SERGEF: variants seen among roughly 807,000 people sequenced by gnomAD.
The protein encoded by SERGEF is secretion regulating guanine nucleotide exchange factor.
SERGEF carries 51 observed loss-of-function variants against 50.0 expected under a neutral mutation model. The ratio of observed to expected loss-of-function variants is 1.02; its 90% CI spans 0.81 to 1.29. The LOEUF is 1.29. SERGEF is among the 50% of genes most tolerant of loss of function. The probability of loss-of-function intolerance (pLI) is 0.00; values close to 1 mark genes in which losing one functional copy is unlikely to be tolerated. For missense variants in SERGEF, 521 were observed against 557.0 expected, an observed-to-expected ratio of 0.94 and a Z score of 0.65; for synonymous variants, 205 against 212.4, an observed-to-expected ratio of 0.97 and a Z score of 0.30.
intron 10 of SERGEF, among the ~76,000 whole-genome samples, chr11:17,834,814 C>G (rs1441696437): frequency 1.3e-5 from 2 of 152,098 alleles, no homozygotes; most frequent in African/African-American, 4.8e-5. Context: ...TCTTTGTGCC[C>G]ATAGGCTAAA....
At chr11:17,886,395 A>T (rs1034395872) in intron 9 of SERGEF, among the ~76,000 whole-genome samples, 7 of 152,156 alleles carry the variant, frequency 4.6e-5, no homozygotes, top group Non-Finnish European at 1.0e-4. Flanking sequence ...AGATAGCTTG[A>T]GCTCATGAGT....
At chr11:17,882,282 G>A (rs565387559) in intron 9 of SERGEF, among the ~76,000 whole-genome samples, 1 of 152,174 alleles carries the variant, frequency 6.6e-6, no homozygotes, top group South Asian at 2.1e-4. Flanking sequence ...GGTGGGGCGT[G>A]GTGGCGGGTG....
At chr11:17,895,104 G>A (rs1311432859) in intron 9 of SERGEF, among the ~76,000 whole-genome samples, 1 of 152,182 alleles carries the variant, frequency 6.6e-6, no homozygotes, top group African/African-American at 2.4e-5. Flanking sequence ...CAGCTGCACA[G>A]CAGAGCTTGG....
At chr11:17,935,629 C>G (rs181767155) in intron 9 of SERGEF, among the ~76,000 whole-genome samples, 1 of 152,026 alleles carries the variant, frequency 6.6e-6, no homozygotes, top group Admixed American at 6.6e-5. Context: ...TAATTAGGAA[C>G]GAGAATTGGA....
chr11:17,843,491 G>T (rs1216290122), intron 10 of SERGEF, among the ~76,000 whole-genome samples: 1 of 152,206 alleles, frequency 6.6e-6, no homozygotes, highest in African/African-American at 2.4e-5. Context: ...TGACTTAGGA[G>T]AAATCACTAC....
intron 10 of SERGEF, among the ~76,000 whole-genome samples, chr11:17,849,853 CTA>C (rs1850680095): frequency 6.6e-6 from 1 of 152,194 alleles, no homozygotes; most frequent in South Asian, 2.1e-4. Context: ...ACTCAAAAAT[CTA>C]TGTTTTTTTC....
chr11:18,004,108 A>G (rs1440872906), intron 4 of SERGEF, among the ~76,000 whole-genome samples: 1 of 152,224 alleles, frequency 6.6e-6, no homozygotes, highest in East Asian at 1.9e-4. Flanking sequence ...CTTTCGACAA[A>G]TCACTTCTAT....
At chr11:17,806,407 A>T (rs1397641065) in intron 10 of SERGEF, among the ~76,000 whole-genome samples, 1 of 152,098 alleles carries the variant, frequency 6.6e-6, no homozygotes, top group Non-Finnish European at 1.5e-5. Context: ...CTGTTATCTC[A>T]TTTCACACCC....
chr11:17,879,372 G>A (rs1440252766), intron 9 of SERGEF, among the ~76,000 whole-genome samples: 3 of 152,144 alleles, frequency 2.0e-5, no homozygotes, highest in African/African-American at 7.2e-5. Context: ...TTTAGCTCCT[G>A]GCAAGAGGAA....
At chr11:17,892,773 A>G (rs1276947506) in intron 9 of SERGEF, among the ~76,000 whole-genome samples, 1 of 152,190 alleles carries the variant, frequency 6.6e-6, no homozygotes, top group African/African-American at 2.4e-5. Context: ...ATTGCTGTGA[A>G]GGAGAACACA....
chr11:17,818,810 C>T (rs967781160), intron 10 of SERGEF, among the ~76,000 whole-genome samples: 4 of 152,238 alleles, frequency 2.6e-5, no homozygotes, highest in African/African-American at 9.6e-5. Flanking sequence ...GGTCCTGACC[C>T]TGCTCCTAGC....
chr11:17,893,525 T>C (rs1851571233), intron 9 of SERGEF, among the ~76,000 whole-genome samples: 1 of 152,212 alleles, frequency 6.6e-6, no homozygotes, highest in African/African-American at 2.4e-5. Context: ...CATCTTTATA[T>C]GGAATCTATA....
chr11:17,849,881 T>C (rs766417202), intron 10 of SERGEF, among the ~76,000 whole-genome samples: 1 of 152,230 alleles, frequency 6.6e-6, no homozygotes, highest in Non-Finnish European at 1.5e-5. Flanking sequence ...TACTATATTA[T>C]GTCTCAGCAA....
intron 10 of SERGEF, among the ~76,000 whole-genome samples, chr11:17,805,262 G>T (rs1008618353): frequency 6.6e-6 from 1 of 152,194 alleles, no homozygotes; most frequent in Non-Finnish European, 1.5e-5. Flanking sequence ...CTCTCACAGG[G>T]TCTCAGTTTC....
At chr11:17,998,821 T>C (rs1853900332) in intron 5 of SERGEF, among the ~76,000 whole-genome samples, 2 of 121,420 alleles carry the variant, frequency 1.6e-5, no homozygotes, top group South Asian at 2.7e-4. Flanking sequence ...GGTGGTCACC[T>C]ACAGGCCAGG....
At chr11:17,843,234 T>C (rs755123540) in intron 10 of SERGEF, among the ~76,000 whole-genome samples, 12 of 152,158 alleles carry the variant, frequency 7.9e-5, no homozygotes, top group Non-Finnish European at 1.2e-4. Flanking sequence ...ATGAACTATA[T>C]TGTCATCCTC....
At chr11:18,006,444 G>T in intron 3 of SERGEF, 147 bp downstream of exon 3, 1 of 798,622 alleles carries the variant, frequency 1.3e-6, no homozygotes. Context: ...CCAAAGTGCT[G>T]GAATTACAAT....
chr11:17,875,398 G>A (rs1851221545), intron 10 of SERGEF, among the ~76,000 whole-genome samples: 1 of 152,244 alleles, frequency 6.6e-6, no homozygotes, highest in Non-Finnish European at 1.5e-5. Context: ...CATCACCTGG[G>A]ATTAGTTTAA....
intron 10 of SERGEF, among the ~76,000 whole-genome samples, chr11:17,841,374 G>C (rs1850499115): frequency 6.6e-6 from 1 of 152,188 alleles, no homozygotes; most frequent in South Asian, 2.1e-4. Context: ...TATGCACCCA[G>C]AAACCTGGGG....
Sources: allele counts gnomAD v4.1 joint callset (sites outside exome capture counted in the v4.1 genomes callset), GRCh38; gene constraint gnomAD v4.1.1; transcripts MANE v1.5; gene names NCBI Gene and HGNC (gene_info 2026-07-23, HGNC 2026-07-21).